NBPF14: variants seen among roughly 807,000 people sequenced by gnomAD.
NBPF14 encodes NBPF family member NBPF14.
Under a neutral mutation model 91.2 loss-of-function variants are expected in NBPF14, and 104 were observed. That is an observed-to-expected ratio of 1.14 (90% CI 0.97 to 1.34). The LOEUF (loss-of-function observed/expected upper bound fraction) is 1.34, where lower values mean the gene tolerates loss of function less well. Among genes scored for constraint, NBPF14 ranks in the 40% most tolerant of loss-of-function variants. The pLI is 0.00. For synonymous variants in NBPF14, 294 were observed against 303.8 expected (o/e 0.97, Z 0.34); for missense variants, 908 against 783.0 (o/e 1.16, Z -1.91).
At chr1:148,533,836 A>C in intron 70 of NBPF14, 25 bp downstream of exon 70, 2 of 766,522 alleles carry the variant, frequency 2.6e-6, no homozygotes, top group South Asian at 1.3e-5. Flanking sequence ...CACAGAACTA[A>C]GGATCCACAA....
intron 37 of NBPF14, among the ~76,000 whole-genome samples, chr1:148,559,413 C>T (rs1308951129): frequency 7.5e-6 from 1 of 134,142 alleles, no homozygotes; most frequent in Non-Finnish European, 1.5e-5. Flanking sequence ...CACCCTGTCT[C>T]ATCAAATACT....
In NBPF14 at chr1:148,534,592, T is replaced by C. The variant is rs1654660505; in HGVS notation, c.8614+92A>G. The C allele has an allele frequency of 3.2e-5, 28 of 864,376 alleles. 1 individual carries two copies. The highest frequency in any genetic ancestry group is 5.6e-5 in the Non-Finnish European group (28 of 500,834). 53.5% of individuals were successfully genotyped at this position (864,376 alleles called of 1,614,324 possible). On this transcript the variant is annotated intron_variant, in intron 69 of 70. Transcript: ENST00000619423. Reference sequence around the variant, plus strand: ...AGGTCCTGCCTGCGGCAATGACATCTCTCGGGTGAGTAAGGGCCACTTGGA... The same window carrying C: ...AGGTCCTGCCTGCGGCAATGACATCCCTCGGGTGAGTAAGGGCCACTTGGA...
intron 12 of NBPF14, among the ~76,000 whole-genome samples, chr1:148,579,833 C>A (rs1218937828): frequency 5.9e-5 from 9 of 152,124 alleles, no homozygotes; most frequent in Admixed American, 5.2e-4. Context: ...CCAGCAAACT[C>A]CAACAGACCT....
Position 148,535,929 on chromosome 1 carries a change from T to C in NBPF14, c.8389+295A>G, listed in dbSNP as rs1292459667. Among the ~76,000 whole-genome samples, 26 of 149,896 alleles carry C rather than the reference T, an allele frequency of 1.7e-4. No homozygotes were observed. The East Asian group carries it at 2.9e-3, about 16-fold the overall frequency. ...GATGAAATCTACAAGATCTACAAAATTGAGACAAAATCAGAGTTGTGTGAA... is the reference window on the plus strand; with the variant it reads ...GATGAAATCTACAAGATCTACAAAACTGAGACAAAATCAGAGTTGTGTGAA... On this transcript the variant is annotated intron_variant, in intron 67 of 70. Coordinates refer to ENST00000619423, the Ensembl canonical transcript of NBPF14.
chr1:148,560,176 A>T (rs1324800660), intron 36 of NBPF14, among the ~76,000 whole-genome samples: 6 of 151,342 alleles, frequency 4.0e-5, no homozygotes, highest in African/African-American at 1.5e-4. Flanking sequence ...AGACAGAGAC[A>T]GAGACAGAGA....
At chr1:148,566,162 G>A (rs1360029951) in exon 29 of NBPF14, 3 of 526,740 alleles carry the variant, frequency 5.7e-6, no homozygotes, top group Non-Finnish European at 9.8e-6. Context: ...CAAGAGAAAA[G>A]CCAACATGTT....
chr1:148,572,721 G>C, intron 20 of NBPF14, 106 bp from the exon 21 acceptor site: 1 of 631,798 alleles, frequency 1.6e-6, no homozygotes, highest in Non-Finnish European at 2.8e-6. Flanking sequence ...AAAGAAAAAG[G>C]ACAGATCCAT....
intron 67 of NBPF14, among the ~76,000 whole-genome samples, chr1:148,535,867 G>C (rs1422669362): frequency 6.7e-6 from 1 of 150,242 alleles, no homozygotes; most frequent in Non-Finnish European, 1.5e-5. Context: ...GATTGTTCAT[G>C]GTAGCGAGGA....
intron 9 of NBPF14, among the ~76,000 whole-genome samples, chr1:148,585,924 G>T (rs1419544196): frequency 0.17 from 21,960 of 130,202 alleles, no homozygotes; most frequent in Non-Finnish European, 0.24. Flanking sequence ...AGACAGCCTG[G>T]GAACCTTCAT....
intron 49 of NBPF14, among the ~76,000 whole-genome samples, chr1:148,550,113 C>A (rs1656031822): frequency 6.7e-6 from 1 of 149,554 alleles, no homozygotes; most frequent in Non-Finnish European, 1.5e-5. Context: ...TTTGTCACAT[C>A]TGCCCAGATC....
chr1:148,588,191 G>T (rs1347193367), intron 7 of NBPF14, among the ~76,000 whole-genome samples: 264 of 76,236 alleles, frequency 3.5e-3, no homozygotes, highest in East Asian at 0.01. Flanking sequence ...ACAGGCCCAC[G>T]GTCCCTGCTC....
At chr1:148,577,334 A>C in exon 15 of NBPF14, 1 of 623,774 alleles carries the variant, frequency 1.6e-6, no homozygotes, top group Non-Finnish European at 2.8e-6. Flanking sequence ...GCCCTTTCTC[A>C]TCCAGCAGCT....
chr1:148,566,258 A>C (rs1658237098), exon 29 of NBPF14: 9 of 637,016 alleles, frequency 1.4e-5, no homozygotes, highest in Middle Eastern at 4.1e-4. Context: ...AATAACATCT[A>C]TCCAGTGAGT....
At chr1:148,539,726 T>G in intron 62 of NBPF14, 144 bp from the exon 63 acceptor site, 4 of 76,490 alleles carry the variant, frequency 5.2e-5, no homozygotes, top group South Asian at 3.1e-4. Context: ...ATTGCCTTTA[T>G]GTTGGGATAG....
In NBPF14 at chr1:148,577,551, C is replaced by G. The variant is rs1317018997; in HGVS notation, c.1854-196G>C. Among the ~76,000 whole-genome samples, 8 of 149,350 alleles carry G rather than the reference C, an allele frequency of 5.4e-5. 1 individual carries two copies. The highest frequency in any genetic ancestry group is 2.0e-4 in the African/African-American group (8 of 39,860). On this transcript the variant is annotated intron_variant, in intron 14 of 70. Coordinates refer to ENST00000619423, the Ensembl canonical transcript of NBPF14. ...AAAGGATGAACGAGAAAGACACACA[C>G]ACACACACACACACACACACACACA...
In NBPF14 at chr1:148,593,706, A is replaced by T; in HGVS notation, c.176-6T>A. Reference sequence around the variant, plus strand: ...GTCTTTACACTCTTCATACTCTGAGAAAAGACAGACACGCCTGCCTCAGTG... The same window carrying T: ...GTCTTTACACTCTTCATACTCTGAGTAAAGACAGACACGCCTGCCTCAGTG... On this transcript the variant is annotated splice_polypyrimidine_tract_variant and splice_region_variant and intron_variant, in intron 2 of 70. Coordinates refer to ENST00000619423, the Ensembl canonical transcript of NBPF14. 3 of 1,521,208 alleles carry T rather than the reference A, an allele frequency of 2.0e-6. No homozygotes were observed. The highest frequency in any genetic ancestry group is 1.1e-5 in the South Asian group (1 of 88,750). The allele number at this position is 1,521,208 out of a possible 1,614,324, so 94.2% of individuals were successfully genotyped here.
chr1:148,592,833 CAG>C, intron 3 of NBPF14, 67 bp from the exon 4 acceptor site: 1 of 1,099,478 alleles, frequency 9.1e-7, no homozygotes, highest in East Asian at 2.5e-5. Flanking sequence ...AATATTGCAA[CAG>C]AGACTTCTGA....
At chr1:148,578,132 C>T in intron 13 of NBPF14, 98 bp from the exon 14 acceptor site, 1 of 727,172 alleles carries the variant, frequency 1.4e-6, no homozygotes, top group Non-Finnish European at 2.5e-6. Flanking sequence ...TCAGTCTTGT[C>T]AGTGTGAGAA....
intron 28 of NBPF14, among the ~76,000 whole-genome samples, chr1:148,566,533 AC>A: frequency 8.1e-6 from 1 of 122,804 alleles, no homozygotes; most frequent in Non-Finnish European, 1.9e-5. Context: ...ACACACACAC[AC>A]ACACACAAAC....
Sources: allele counts gnomAD v4.1 joint callset (sites outside exome capture counted in the v4.1 genomes callset), GRCh38; gene constraint gnomAD v4.1.1; transcripts MANE v1.5; gene names NCBI Gene and HGNC (gene_info 2026-07-23, HGNC 2026-07-21).